Variants in CHST11 observed in about 807,000 individuals in gnomAD.
CHST11 encodes the protein C4S-1.
A neutral mutation model predicts 30.4 loss-of-function variants in CHST11; 9 were observed. The observed-to-expected ratio is 0.30, with a 90% CI of 0.18 to 0.52. The LOEUF (loss-of-function observed/expected upper bound fraction) is 0.52. Ranked by LOEUF, CHST11 falls within the 20% of genes least tolerant of loss-of-function variation. The pLI, the probability that CHST11 is intolerant of heterozygous loss-of-function variation, is 0.97. For synonymous variants in CHST11, 152 were observed against 187.8 expected (o/e 0.81, Z 1.56); for missense variants, 348 against 460.6 (o/e 0.76, Z 2.24).
At chr12:104,707,486 T>C (rs1164871299) in intron 2 of CHST11, among the ~76,000 whole-genome samples, 2 of 152,228 alleles carry the variant, frequency 1.3e-5, no homozygotes, top group African/African-American at 2.4e-5. Flanking sequence ...ACTTTATTTC[T>C]CATGTAGTAG....
chr12:104,544,339 G>A (rs926713682), intron 1 of CHST11, among the ~76,000 whole-genome samples: 9 of 152,130 alleles, frequency 5.9e-5, no homozygotes, highest in African/African-American at 1.9e-4. Flanking sequence ...TATGGAGACT[G>A]TATCCCATGT....
chr12:104,496,192 A>G (rs1156628260), intron 1 of CHST11, among the ~76,000 whole-genome samples: 1 of 152,130 alleles, frequency 6.6e-6, no homozygotes, highest in Non-Finnish European at 1.5e-5. Flanking sequence ...TCTATTCCAA[A>G]TCTGTGTGTG....
chr12:104,516,166 A>G (rs1469520331), intron 1 of CHST11, among the ~76,000 whole-genome samples: 1 of 152,174 alleles, frequency 6.6e-6, no homozygotes, highest in Non-Finnish European at 1.5e-5. Context: ...GCAGTTTAGT[A>G]GCATTCCTGG....
chr12:104,749,840 C>T (rs551855994), intron 2 of CHST11, among the ~76,000 whole-genome samples: 26 of 152,358 alleles, frequency 1.7e-4, no homozygotes, highest in African/African-American at 3.1e-4. Flanking sequence ...TCCTCTCTTC[C>T]GTCTGGCCTG....
chr12:104,755,357 A>G (rs1176652970), intron 2 of CHST11, among the ~76,000 whole-genome samples: 1 of 152,212 alleles, frequency 6.6e-6, no homozygotes, highest in Non-Finnish European at 1.5e-5. Flanking sequence ...GTGAGTGGCC[A>G]CAGGAGTTGA....
intron 2 of CHST11, among the ~76,000 whole-genome samples, chr12:104,678,779 G>A (rs2039766249): frequency 6.6e-6 from 1 of 152,150 alleles, no homozygotes; most frequent in Admixed American, 6.5e-5. Flanking sequence ...GAGTGACAAT[G>A]AGCATTAATT....
intron 1 of CHST11, among the ~76,000 whole-genome samples, chr12:104,487,329 A>C (rs568916305): frequency 3.0e-4 from 46 of 152,322 alleles, no homozygotes; most frequent in African/African-American, 1.0e-3. Context: ...TGGCATGATC[A>C]TAGCTCACTG....
intron 2 of CHST11, among the ~76,000 whole-genome samples, chr12:104,665,123 T>G (rs1289481270): frequency 6.6e-6 from 1 of 152,208 alleles, no homozygotes; most frequent in Non-Finnish European, 1.5e-5. Context: ...TGGTCACTCT[T>G]GGATGAATAG....
intron 1 of CHST11, among the ~76,000 whole-genome samples, chr12:104,567,935 G>A (rs1245703464): frequency 6.6e-6 from 1 of 152,178 alleles, no homozygotes; most frequent in African/African-American, 2.4e-5. Context: ...ATCTGCTATT[G>A]CTTTGATCTT....
chr12:104,748,146 G>A (rs1188498378), intron 2 of CHST11, among the ~76,000 whole-genome samples: 7 of 152,198 alleles, frequency 4.6e-5, no homozygotes. Context: ...CGAGATGAAG[G>A]GAGTTGGAGG....
At chr12:104,590,035 A>G (rs2038842799) in intron 1 of CHST11, among the ~76,000 whole-genome samples, 1 of 150,796 alleles carries the variant, frequency 6.6e-6, no homozygotes, top group Non-Finnish European at 1.5e-5. Flanking sequence ...ATAAATAAAT[A>G]AATGAAGATG....
At chr12:104,616,557 C>T (rs921910079) in intron 2 of CHST11, among the ~76,000 whole-genome samples, 12 of 152,068 alleles carry the variant, frequency 7.9e-5, no homozygotes, top group African/African-American at 2.9e-4. Flanking sequence ...CCTCTGCCTC[C>T]CGGGTTCAAG....
chr12:104,593,444 C>A (rs2136041564), intron 1 of CHST11, among the ~76,000 whole-genome samples: 2 of 152,308 alleles, frequency 1.3e-5, no homozygotes, highest in South Asian at 2.1e-4. Context: ...ACAGGTTAGG[C>A]TGAACCCTAT....
At chr12:104,573,425 A>G (rs1421306420) in intron 1 of CHST11, among the ~76,000 whole-genome samples, 1 of 152,124 alleles carries the variant, frequency 6.6e-6, no homozygotes, top group Non-Finnish European at 1.5e-5. Flanking sequence ...CAAAAGAACA[A>G]AGCTGGAGGC....
At chr12:104,586,012 T>G (rs772487637) in intron 1 of CHST11, among the ~76,000 whole-genome samples, 1 of 152,208 alleles carries the variant, frequency 6.6e-6, no homozygotes, top group Non-Finnish European at 1.5e-5. Context: ...CTGCAAAGAC[T>G]CTATTTCCGG....
intron 2 of CHST11, among the ~76,000 whole-genome samples, chr12:104,614,118 A>T (rs1472755638): frequency 6.6e-6 from 1 of 152,216 alleles, no homozygotes; most frequent in Non-Finnish European, 1.5e-5. Context: ...CATCACTTTC[A>T]CTATCTATCT....
intron 1 of CHST11, among the ~76,000 whole-genome samples, chr12:104,481,357 G>A (rs1262179759): frequency 6.6e-6 from 1 of 152,156 alleles, no homozygotes; most frequent in Non-Finnish European, 1.5e-5. Flanking sequence ...TTTTCCTTCA[G>A]GTCCCGTTTA....
chr12:104,711,621 AT>A (rs2040089018), intron 2 of CHST11, among the ~76,000 whole-genome samples: 1 of 152,166 alleles, frequency 6.6e-6, no homozygotes, highest in Admixed American at 6.5e-5. Context: ...GTGCACTGAC[AT>A]TTTTTTAAGC....
At chr12:104,470,720 A>G (rs529703797) in intron 1 of CHST11, among the ~76,000 whole-genome samples, 58 of 152,182 alleles carry the variant, frequency 3.8e-4, no homozygotes, top group Non-Finnish European at 1.8e-4. Context: ...CACATTTACC[A>G]ATCCCATTAT....
Sources: gnomAD v4.1 joint callset for allele counts (sites outside exome capture counted in the v4.1 genomes callset) on GRCh38, gnomAD v4.1.1 for gene constraint, MANE v1.5 for transcripts, NCBI Gene and HGNC (gene_info 2026-07-23, HGNC 2026-07-21) for gene names.